The following TNRC6B variants were observed in gnomAD, a reference collection of about 807,000 sequenced individuals.
TNRC6B encodes the protein trinucleotide repeat containing adaptor 6B.
TNRC6B carries 52 observed loss-of-function variants against 203.6 expected under a neutral mutation model. The ratio of observed to expected loss-of-function variants is 0.26; its 90% CI spans 0.20 to 0.32. TNRC6B has a LOEUF of 0.32. Ranked by LOEUF, TNRC6B falls within the 10% of genes least tolerant of loss-of-function variation. TNRC6B has a pLI of 1.00. For missense variants in TNRC6B, 1,923 were observed against 2,286.2 expected, an observed-to-expected ratio of 0.84 and a Z score of 3.24; for synonymous variants, 838 against 845.7, an observed-to-expected ratio of 0.99 and a Z score of 0.16.
At chr22:40,141,712 G>T (rs976495468) in intron 3 of TNRC6B, among the ~76,000 whole-genome samples, 1 of 152,012 alleles carries the variant, frequency 6.6e-6, no homozygotes, top group Non-Finnish European at 1.5e-5. Flanking sequence ...CACCTGGGGT[G>T]CTTGTAAAGA....
chr22:40,287,818 G>A (rs1368776783), intron 12 of TNRC6B, among the ~76,000 whole-genome samples: 1 of 152,182 alleles, frequency 6.6e-6, no homozygotes, highest in African/African-American at 2.4e-5. Context: ...GGTGGGTTGA[G>A]GTGAGGAGGA....
intron 15 of TNRC6B, among the ~76,000 whole-genome samples, chr22:40,308,216 G>A (rs1218166488): frequency 6.6e-6 from 1 of 152,170 alleles, no homozygotes; most frequent in African/African-American, 2.4e-5. Context: ...AGAGTGGCTG[G>A]CCCCAGCCTC....
At chr22:40,202,321 T>C (rs2069425595) in intron 1 of TNRC6B, among the ~76,000 whole-genome samples, 1 of 151,352 alleles carries the variant, frequency 6.6e-6, no homozygotes, top group Non-Finnish European at 1.5e-5. Flanking sequence ...CTATATGAGT[T>C]TTTAACAAGA....
chr22:40,218,323 TC>T (rs138372323), intron 1 of TNRC6B, among the ~76,000 whole-genome samples: 2 of 111,452 alleles, frequency 1.8e-5, no homozygotes, highest in Non-Finnish European at 2.0e-5. Context: ...TTTTTTCTTT[TC>T]TTTTTTTTTT....
chr22:40,335,597 T>G lies in TNRC6B; in HGVS notation c.*12356T>G, dbSNP rs2044024217. ...TCATTTCATTAAAACTGAGAGATGA[T>G]GTAATGCATATATAAGAGTTTTCTG... On this transcript the variant is annotated 3_prime_UTR_variant, in exon 23 of 23. Transcript: ENST00000454349. 1 of 151,880 alleles carries G rather than the reference T, an allele frequency of 6.6e-6. No individual in the cohort carries two copies. The highest frequency in any genetic ancestry group is 1.5e-5 in the Non-Finnish European group (1 of 67,888). The allele number at this position is 151,880 out of a possible 1,614,324, so 9.4% of individuals were successfully genotyped here.
chr22:40,206,155 GT>G (rs916419300), intron 1 of TNRC6B, among the ~76,000 whole-genome samples: 5 of 151,726 alleles, frequency 3.3e-5, no homozygotes, highest in Non-Finnish European at 7.4e-5. Flanking sequence ...TTTATTTTTT[GT>G]TTTTTTGAGC....
chr22:40,192,082 A>T (rs1004151530), intron 1 of TNRC6B, among the ~76,000 whole-genome samples: 3 of 151,972 alleles, frequency 2.0e-5, no homozygotes, highest in African/African-American at 4.8e-5. Context: ...CTGCTCCCGA[A>T]CTCCTGACCT....
intron 10 of TNRC6B, among the ~76,000 whole-genome samples, chr22:40,280,833 A>G (rs1465845552): frequency 6.6e-6 from 1 of 152,306 alleles, no homozygotes; most frequent in African/African-American, 2.4e-5. Context: ...AGAGTAATCA[A>G]TATTAGATGC....
chr22:40,295,583 G>A (rs542285944), intron 12 of TNRC6B, among the ~76,000 whole-genome samples: 7 of 152,270 alleles, frequency 4.6e-5, no homozygotes, highest in South Asian at 2.1e-4. Context: ...AACTCTGACC[G>A]TGATGCCAAA....
intron 1 of TNRC6B, among the ~76,000 whole-genome samples, chr22:40,235,401 A>C (rs1008353807): frequency 1.3e-5 from 2 of 152,096 alleles, no homozygotes; most frequent in South Asian, 4.1e-4. Flanking sequence ...ACATTCAGGA[A>C]ATTGCTGTTA....
intron 1 of TNRC6B, among the ~76,000 whole-genome samples, chr22:40,064,548 A>G (rs1376644151): frequency 6.7e-6 from 1 of 149,796 alleles, no homozygotes; most frequent in East Asian, 2.0e-4. Flanking sequence ...TATTACATTG[A>G]TTTTTGTATA....
intron 1 of TNRC6B, among the ~76,000 whole-genome samples, chr22:40,087,182 A>T (rs867166652): frequency 4.6e-5 from 7 of 152,226 alleles, no homozygotes; most frequent in Non-Finnish European, 7.3e-5. Context: ...TAGATAAGAG[A>T]TGGAAATATA....
At chr22:40,296,142 C>G (rs2070936010) in intron 12 of TNRC6B, among the ~76,000 whole-genome samples, 1 of 152,056 alleles carries the variant, frequency 6.6e-6, no homozygotes. Context: ...CGAATTCCAG[C>G]CTTAACCCAG....
At chr22:40,293,473 A>G (rs1377630270) in intron 12 of TNRC6B, among the ~76,000 whole-genome samples, 1 of 151,912 alleles carries the variant, frequency 6.6e-6, no homozygotes, top group East Asian at 1.9e-4. Flanking sequence ...AGTTACAGGC[A>G]TGAGCCACCG....
chr22:40,264,868 A>C lies in TNRC6B; in HGVS notation c.638A>C (p.Glu213Ala), dbSNP rs760857114. The C allele has an allele frequency of 2.5e-6, 4 of 1,613,816 alleles. No homozygotes were observed. The African/African-American group carries it at 5.3e-5, about 22-fold the overall frequency. Residue 213 changes from glutamate (E) to alanine (A), a missense_variant, in exon 5 of 23, where the codon GAA (glutamate) becomes GCA (alanine). By Grantham distance (107) the Glu-to-Ala change is moderately radical. Around this residue, in one of 8 missense-constraint regions of TNRC6B, gnomAD observed 614 missense variants for 587.7 expected, o/e 1.04. Transcript: ENST00000454349. The part of the protein sequence containing the change: ...IASKDTESSS[E>A]NTTDNNSASN... ...AGCAAAGACACTGAATCTTCTTCCG[A>C]AAACACCACCGATAACAACAGTGCC...
rs538907360 is a variant in TNRC6B at position 40,191,079 on chromosome 22, G to A, written c.5+12939G>A. ...GAGGATAGAGAAGAGGAAGGGAATG[G>A]GAAAGTCTCCCCCAAGGAGGAAACA... is the stretch of plus-strand genomic sequence containing the variant. On this transcript the variant is annotated intron_variant, in intron 1 of 22. Coordinates refer to ENST00000454349, the MANE Select transcript of TNRC6B (RefSeq NM_001162501.2). Among the ~76,000 whole-genome samples the A allele has an allele frequency of 1.4e-4, 21 of 152,294 alleles. No individual in the cohort carries two copies. In the East Asian group the frequency reaches 3.9e-3, roughly 28 times the overall value.
At position 40,265,521 on chromosome 22, in the gene TNRC6B, C is replaced by T. The variant is rs199780054; in HGVS notation, c.1291C>T (p.Pro431Ser). 6.8e-6 allele frequency: 11 copies of T among 1,613,622 alleles called. No homozygotes were observed. Among genetic ancestry groups the T allele is most frequent in the African/African-American group, 4.0e-5 (3 of 74,850 alleles). Residue 431 changes from proline to serine, a missense_variant, in exon 5 of 23, where the codon CCT becomes TCT. By Grantham distance (74) the Pro-to-Ser change is moderately conservative. Coordinates refer to ENST00000454349, the MANE Select transcript of TNRC6B (RefSeq NM_001162501.2). Reference sequence around the variant, plus strand: ...TGGATCTTGGGGTGCAGCTAGGGGGCCTTCTGGAACTGACACAGTCTCTGG... The same window carrying T: ...TGGATCTTGGGGTGCAGCTAGGGGGTCTTCTGGAACTGACACAGTCTCTGG... ...SVGSWGAARG[P>S]SGTDTVSGQS...
chr22:40,295,697 C>T (rs2070929617), intron 12 of TNRC6B, among the ~76,000 whole-genome samples: 1 of 151,512 alleles, frequency 6.6e-6, no homozygotes, highest in Non-Finnish European at 1.5e-5. Context: ...TAAAAGCAAG[C>T]ATGAATAAAA....
At chr22:40,050,829 T>G (rs1432752273) in intron 1 of TNRC6B, among the ~76,000 whole-genome samples, 2 of 127,274 alleles carry the variant, frequency 1.6e-5, no homozygotes, top group East Asian at 2.0e-4. Context: ...TGTTTTTGGG[T>G]TTTTTTTTTT....
Sources: allele counts gnomAD v4.1 joint callset (sites outside exome capture counted in the v4.1 genomes callset), GRCh38; gene constraint gnomAD v4.1.1; regional missense constraint gnomAD v4.1.1; transcripts MANE v1.5; gene names NCBI Gene and HGNC (gene_info 2026-07-23, HGNC 2026-07-21).